Variants in WIF1 observed in about 807,000 individuals in gnomAD.
WIF1 encodes Wnt inhibitory factor 1.
WIF1 carries 35 observed loss-of-function variants against 53.5 expected under a neutral mutation model. That is an observed-to-expected ratio of 0.65 (90% CI 0.50 to 0.87). The LOEUF is 0.87. Among genes scored for constraint, WIF1 ranks in the 40% least tolerant of loss-of-function variants. The pLI, the probability that WIF1 is intolerant of heterozygous loss-of-function variation, is 0.00. For synonymous variants in WIF1, 171 were observed against 170.4 expected (o/e 1.00, Z -0.03); for missense variants, 467 against 476.8 (o/e 0.98, Z 0.19).
intron 8 of WIF1, 116 bp from the exon 9 acceptor site, chr12:65,055,329 T>C: frequency 8.7e-7 from 1 of 1,143,702 alleles, no homozygotes; most frequent in African/African-American, 1.6e-5. Flanking sequence ...CATCCTCTAA[T>C]TTTTTTTCCT....
chr12:65,103,165 G>A (rs1045085820), intron 2 of WIF1, among the ~76,000 whole-genome samples: 6 of 152,116 alleles, frequency 3.9e-5, no homozygotes, highest in African/African-American at 1.2e-4. Flanking sequence ...AACTATTAAA[G>A]ATCAGGTTTG....
At chr12:65,094,901 C>CTTATTTAT (rs71096024) in intron 2 of WIF1, among the ~76,000 whole-genome samples, 1,679 of 134,262 alleles carry the variant, frequency 0.013, 21 homozygotes, top group South Asian at 0.015. Flanking sequence ...TCCTCTTCTT[C>CTTATTTAT]TTATTTATTT....
chr12:65,056,940 GTGCC>G (rs1023387282), intron 7 of WIF1, among the ~76,000 whole-genome samples: 11 of 152,172 alleles, frequency 7.2e-5, no homozygotes, highest in Non-Finnish European at 1.0e-4. Context: ...ATGAGCCACT[GTGCC>G]TGGCCAAGTT....
At chr12:65,057,040 G>A (rs1882539799) in intron 7 of WIF1, among the ~76,000 whole-genome samples, 3 of 152,302 alleles carry the variant, frequency 2.0e-5, no homozygotes, top group African/African-American at 7.2e-5. Flanking sequence ...CAGAAAGCAG[G>A]ATCTGCATGC....
Position 65,077,880 on chromosome 12 carries a change from G to A in WIF1, c.289-26C>T, listed in dbSNP as rs1311453738. ...CTACAACCAAAGGCACTGACAGTTAGTAACATGGAAACCAGAGAGGGAGAA... is the reference window on the plus strand; with the variant it reads ...CTACAACCAAAGGCACTGACAGTTAATAACATGGAAACCAGAGAGGGAGAA... On this transcript the variant is annotated intron_variant, in intron 2 of 9. Transcript: ENST00000286574. The A allele has an allele frequency of 5.1e-6, 8 of 1,569,310 alleles. No homozygotes were observed. In the East Asian group the frequency reaches 1.3e-4, roughly 26 times the overall value.
At chr12:65,078,982 T>A (rs2136622361) in intron 2 of WIF1, among the ~76,000 whole-genome samples, 1 of 152,114 alleles carries the variant, frequency 6.6e-6, no homozygotes, top group African/African-American at 2.4e-5. Flanking sequence ...CTGGCCAACA[T>A]GGCGAAACCC....
At chr12:65,075,452 C>G (rs1311564359) in intron 3 of WIF1, among the ~76,000 whole-genome samples, 1 of 152,020 alleles carries the variant, frequency 6.6e-6, no homozygotes, top group African/African-American at 2.4e-5. Context: ...AGTATGCCAT[C>G]GATGACTTTA....
At chr12:65,067,584 G>T in intron 5 of WIF1, 111 bp downstream of exon 5, 1 of 1,172,550 alleles carries the variant, frequency 8.5e-7, no homozygotes, top group South Asian at 1.4e-5. Context: ...TTCTGCCCCT[G>T]TGACCAGGAA....
At chr12:65,084,213 A>T (rs1217992032) in intron 2 of WIF1, among the ~76,000 whole-genome samples, 1 of 152,080 alleles carries the variant, frequency 6.6e-6, no homozygotes, top group Non-Finnish European at 1.5e-5. Flanking sequence ...TTATTTCCTC[A>T]TATTGGCATT....
intron 2 of WIF1, among the ~76,000 whole-genome samples, chr12:65,097,984 T>G (rs1161812099): frequency 1.3e-5 from 2 of 152,056 alleles, no homozygotes; most frequent in African/African-American, 2.4e-5. Context: ...CAGATTCTGG[T>G]GAAAAGAACT....
chr12:65,100,275 T>C (rs1883263225), intron 2 of WIF1, among the ~76,000 whole-genome samples: 1 of 152,174 alleles, frequency 6.6e-6, no homozygotes, highest in Non-Finnish European at 1.5e-5. Flanking sequence ...GCAAAGCCTC[T>C]AAACTTGAGG....
At chr12:65,106,515 C>A (rs959455045) in intron 2 of WIF1, among the ~76,000 whole-genome samples, 4 of 151,996 alleles carry the variant, frequency 2.6e-5, no homozygotes, top group Admixed American at 2.0e-4. Flanking sequence ...AGGTGCTCGC[C>A]ACCACGCCTG....
At chr12:65,065,205 C>T (rs1199518411) in intron 6 of WIF1, among the ~76,000 whole-genome samples, 1 of 152,046 alleles carries the variant, frequency 6.6e-6, no homozygotes, top group Non-Finnish European at 1.5e-5. Context: ...TAATATATAG[C>T]TCAGGGGTGA....
At chr12:65,057,838 G>A (rs906248289) in intron 7 of WIF1, among the ~76,000 whole-genome samples, 4 of 152,100 alleles carry the variant, frequency 2.6e-5, no homozygotes, top group Non-Finnish European at 4.4e-5. Flanking sequence ...AATTCTTTAT[G>A]AAAATCATTC....
intron 6 of WIF1, among the ~76,000 whole-genome samples, chr12:65,065,908 G>C (rs745447881): frequency 6.6e-6 from 1 of 152,144 alleles, no homozygotes; most frequent in Non-Finnish European, 1.5e-5. Flanking sequence ...TGGCTGTGTT[G>C]CTGCAATGTT....
intron 2 of WIF1, among the ~76,000 whole-genome samples, chr12:65,104,624 G>C (rs1192827524): frequency 6.6e-6 from 1 of 152,092 alleles, no homozygotes; most frequent in East Asian, 1.9e-4. Flanking sequence ...ATTAGATAAC[G>C]ATGAAAAATA....
intron 2 of WIF1, among the ~76,000 whole-genome samples, chr12:65,088,563 T>C (rs1245901262): frequency 1.3e-5 from 2 of 152,130 alleles, no homozygotes; most frequent in African/African-American, 4.8e-5. Context: ...TTTGCCCTAG[T>C]CACTATTAAA....
At chr12:65,096,936 G>A (rs922747788) in intron 2 of WIF1, among the ~76,000 whole-genome samples, 3 of 151,542 alleles carry the variant, frequency 2.0e-5, no homozygotes, top group African/African-American at 7.3e-5. Context: ...CCTAGATGAC[G>A]GGTTGATAGG....
chr12:65,093,903 C>T (rs1883162848), intron 2 of WIF1, among the ~76,000 whole-genome samples: 2 of 152,170 alleles, frequency 1.3e-5, no homozygotes, highest in African/African-American at 4.8e-5. Context: ...TCTTCTAACA[C>T]ACCATTACCA....
Sources: allele counts gnomAD v4.1 joint callset (sites outside exome capture counted in the v4.1 genomes callset), GRCh38; gene constraint gnomAD v4.1.1; transcripts MANE v1.5; gene names NCBI Gene and HGNC (gene_info 2026-07-23, HGNC 2026-07-21).